The following DNAH7 variants were observed in gnomAD, a reference collection of about 807,000 sequenced individuals.
The protein encoded by DNAH7 is axonemal beta dynein heavy chain 7.
Under a neutral mutation model 444.6 loss-of-function variants are expected in DNAH7, and 397 were observed. The ratio of observed to expected loss-of-function variants is 0.89; its 90% CI spans 0.82 to 0.97. DNAH7 has a LOEUF of 0.97. DNAH7 is among the 50% of genes least tolerant of loss of function. The pLI is 0.00. For missense variants in DNAH7, 4,902 were observed against 4,800.8 expected (o/e 1.02, Z -0.62); for synonymous variants, 1,636 against 1,624.4 (o/e 1.01, Z -0.17).
chr2:195,904,589 G>A (rs564672752), intron 27 of DNAH7: 1 of 152,284 alleles, frequency 6.6e-6, no homozygotes, highest in South Asian at 2.1e-4. Context: ...TCTTTTGATA[G>A]ATAACACTGG....
chr2:195,978,545 G>A (rs1850857), intron 15 of DNAH7, among the ~76,000 whole-genome samples: 4 of 151,674 alleles, frequency 2.6e-5, no homozygotes, highest in Admixed American at 2.6e-4. Context: ...CAGGAGTATA[G>A]CCTTACTTAT....
At chr2:195,950,746 GA>G (rs1336832712) in intron 19 of DNAH7, among the ~76,000 whole-genome samples, 1 of 150,362 alleles carries the variant, frequency 6.7e-6, no homozygotes, top group East Asian at 2.0e-4. Context: ...CAGCTACTCG[GA>G]AGGCTAAGGT....
intron 55 of DNAH7, 96 bp downstream of exon 55, chr2:195,799,200 C>G (rs1003221246): frequency 1.8e-6 from 2 of 1,124,966 alleles, no homozygotes; most frequent in African/African-American, 3.2e-5. Flanking sequence ...GGTTGAATGA[C>G]AAATTTCTAC....
intron 5 of DNAH7, among the ~76,000 whole-genome samples, chr2:196,033,485 AC>A (rs1325344248): frequency 3.9e-5 from 6 of 152,120 alleles, no homozygotes; most frequent in South Asian, 2.1e-4. Context: ...TCTGGTAACA[AC>A]CATTCTACTC....
At chr2:195,948,288 T>C (rs1347038664) in intron 19 of DNAH7, among the ~76,000 whole-genome samples, 1 of 152,224 alleles carries the variant, frequency 6.6e-6, no homozygotes, top group East Asian at 1.9e-4. Flanking sequence ...AGAAGCTCTT[T>C]AGTTTAATTA....
intron 19 of DNAH7, among the ~76,000 whole-genome samples, chr2:195,941,614 G>T (rs1367686590): frequency 6.6e-6 from 1 of 152,008 alleles, no homozygotes; most frequent in African/African-American, 2.4e-5. Flanking sequence ...ATGCAGTTTT[G>T]TATACTTAAT....
intron 27 of DNAH7, chr2:195,901,688 G>A (rs1686718888): frequency 6.6e-6 from 1 of 152,052 alleles, no homozygotes; most frequent in Non-Finnish European, 1.5e-5. Flanking sequence ...GATTATGTTA[G>A]TGTTAGACAA....
intron 5 of DNAH7, among the ~76,000 whole-genome samples, chr2:196,042,324 T>C (rs1696820544): frequency 6.6e-6 from 1 of 151,986 alleles, no homozygotes; most frequent in African/African-American, 2.4e-5. Flanking sequence ...GGGACAGATA[T>C]CCCAATTACC....
intron 59 of DNAH7, among the ~76,000 whole-genome samples, chr2:195,777,139 C>A (rs1270968325): frequency 6.6e-6 from 1 of 152,118 alleles, no homozygotes; most frequent in Admixed American, 6.6e-5. Context: ...GTTTAACTTT[C>A]AATATATGCC....
intron 34 of DNAH7, among the ~76,000 whole-genome samples, chr2:195,885,826 T>C (rs1268067850): frequency 2.0e-5 from 3 of 152,138 alleles, no homozygotes; most frequent in Non-Finnish European, 4.4e-5. Context: ...GTAAATCTCA[T>C]TGCCAAAATG....
chr2:195,835,727 C>T (rs560728376), intron 47 of DNAH7, among the ~76,000 whole-genome samples: 18 of 152,016 alleles, frequency 1.2e-4, no homozygotes, highest in Non-Finnish European at 2.2e-4. Context: ...GCCTGTAATC[C>T]CAGCTACTCA....
intron 40 of DNAH7, among the ~76,000 whole-genome samples, chr2:195,871,708 G>GAAATTCCTAA (rs1358945614): frequency 1.8e-4 from 23 of 130,570 alleles, no homozygotes; most frequent in African/African-American, 3.6e-4. Flanking sequence ...AGGGAAGGCG[G>GAAATTCCTAA]ATCACGAGGT....
intron 58 of DNAH7, among the ~76,000 whole-genome samples, chr2:195,780,224 G>A (rs1204279233): frequency 6.6e-6 from 1 of 151,758 alleles, no homozygotes; most frequent in African/African-American, 2.4e-5. Context: ...TTTTGATTTT[G>A]ACATTGGCAC....
chr2:195,953,877 T>C (rs538699819), intron 19 of DNAH7, among the ~76,000 whole-genome samples: 1 of 152,370 alleles, frequency 6.6e-6, no homozygotes, highest in East Asian at 1.9e-4. Context: ...GCCTCTACTA[T>C]ACACACCATG....
At chr2:195,758,852 A>G (rs904662296) in intron 61 of DNAH7, among the ~76,000 whole-genome samples, 2 of 152,162 alleles carry the variant, frequency 1.3e-5, no homozygotes, top group African/African-American at 2.4e-5. Context: ...ACCAACCCTA[A>G]CTACAGGGGA....
chr2:196,020,600 T>C (rs1279411818), intron 8 of DNAH7, among the ~76,000 whole-genome samples: 1 of 148,324 alleles, frequency 6.7e-6, no homozygotes, highest in African/African-American at 2.5e-5. Context: ...TGGGGAATAA[T>C]TTGGGGCTTT....
At chr2:196,010,464 T>A (rs556022696) in intron 10 of DNAH7, among the ~76,000 whole-genome samples, 1 of 152,134 alleles carries the variant, frequency 6.6e-6, no homozygotes, top group Non-Finnish European at 1.5e-5. Flanking sequence ...GGAACTTTCA[T>A]ACACTGTTGG....
chr2:195,915,837 T>G (rs184020445), intron 24 of DNAH7, among the ~76,000 whole-genome samples: 16 of 152,346 alleles, frequency 1.1e-4, no homozygotes, highest in Admixed American at 1.0e-3. Context: ...TAATCAGTCA[T>G]CTTCAAGCTA....
At chr2:195,911,121 A>T (rs1687333518) in intron 24 of DNAH7, among the ~76,000 whole-genome samples, 1 of 152,212 alleles carries the variant, frequency 6.6e-6, no homozygotes, top group Non-Finnish European at 1.5e-5. Flanking sequence ...CAGAGTTAGG[A>T]GTCAGCCTTG....
Sources: gnomAD v4.1 joint callset for allele counts (sites outside exome capture counted in the v4.1 genomes callset) on GRCh38, gnomAD v4.1.1 for gene constraint, MANE v1.5 for transcripts, NCBI Gene and HGNC (gene_info 2026-07-23, HGNC 2026-07-21) for gene names.